The following ENPP5 variants were observed in gnomAD, a reference collection of about 807,000 sequenced individuals.
ENPP5 encodes E-NPP 5.
ENPP5 carries 27 observed loss-of-function variants against 33.7 expected under a neutral mutation model. That is an observed-to-expected ratio of 0.80 (90% CI 0.59 to 1.11). The LOEUF (loss-of-function observed/expected upper bound fraction) is 1.11, where lower values mean the gene tolerates loss of function less well. Ranked by LOEUF, ENPP5 falls within the 50% of genes least tolerant of loss-of-function variation. The probability of loss-of-function intolerance (pLI) is 0.00; values close to 1 mark genes in which losing one functional copy is unlikely to be tolerated. For missense variants in ENPP5, 552 were observed against 579.2 expected (o/e 0.95, Z 0.48); for synonymous variants, 199 against 200.5 (o/e 0.99, Z 0.06).
chr6:46,162,479 G>C (rs950648203), intron 4 of ENPP5, among the ~76,000 whole-genome samples: 4 of 152,148 alleles, frequency 2.6e-5, no homozygotes, highest in African/African-American at 9.7e-5. Context: ...TGTGTGCTTA[G>C]CATGGTATCA....
At chr6:46,168,722 G>T (rs1295457114) in intron 2 of ENPP5, among the ~76,000 whole-genome samples, 2 of 151,960 alleles carry the variant, frequency 1.3e-5, no homozygotes, top group African/African-American at 4.8e-5. Context: ...TAGCAACAAT[G>T]AAGTATCATT....
chr6:46,165,297 C>G, intron 4 of ENPP5, 90 bp downstream of exon 4: 1 of 951,686 alleles, frequency 1.1e-6, no homozygotes, highest in Non-Finnish European at 1.5e-6. Context: ...GTAAAAATAT[C>G]AATCAATAAA....
At position 46,168,063 on chromosome 6, in the gene ENPP5, A is replaced by G; in HGVS notation, c.200T>C (p.Val67Ala). The G allele has an allele frequency of 6.2e-7, 1 of 1,614,082 alleles. No homozygotes were observed. Among genetic ancestry groups the G allele is most frequent in the Non-Finnish European group, 8.5e-7 (1 of 1,179,960 alleles). ...GTTAGGGTAGGTTTTTGTAATAAAAACATTAGTAACTTGCTTCACGTGAAC... is the reference window on the plus strand; with the variant it reads ...GTTAGGGTAGGTTTTTGTAATAAAAGCATTAGTAACTTGCTTCACGTGAAC... ...YGVHVKQVTN[V>A]FITKTYPNHY... Residue 67 changes from valine (V) to alanine (A), a missense_variant, in exon 3 of 5, where the codon GTT becomes GCT. Physicochemically the swap from Val to Ala is moderately conservative, Grantham distance 64. Transcript: ENST00000371383.
rs1171279989 is a variant in ENPP5, at chr6:46,167,846, C to A, written c.417G>T (p.Trp139Cys). The A allele has an allele frequency of 6.2e-7, 1 of 1,614,158 alleles. No homozygotes were observed. Among genetic ancestry groups the A allele is most frequent in the Non-Finnish European group, 8.5e-7 (1 of 1,180,022 alleles). Reference protein sequence around the residue: ...RAGHTSGAAMWPGTDVKIHKR... With the variant: ...RAGHTSGAAMCPGTDVKIHKR... ...TATGTATTTTTACATCTGTTCCGGG[C>A]CACATGGCTGCACCACTAGTATGTC... Residue 139 changes from tryptophan (W) to cysteine (C), a missense_variant, in exon 3 of 5, where the codon TGG becomes TGT. Coordinates refer to ENST00000371383, the MANE Select transcript of ENPP5 (RefSeq NM_001290072.2).
intron 2 of ENPP5, 94 bp downstream of exon 2, chr6:46,169,948 AAAACGATTTCT>A (rs1448526025): frequency 4.2e-4 from 64 of 152,336 alleles, no homozygotes; most frequent in Non-Finnish European, 7.3e-4. Context: ...GTCATATTTA[AAAACGATTTCT>A]TGGATGGCAA....
chr6:46,161,838 A>T, intron 4 of ENPP5, 85 bp from the exon 5 acceptor site: 5 of 931,600 alleles, frequency 5.4e-6, no homozygotes, highest in Non-Finnish European at 8.3e-6. Context: ...CTGAACTTAA[A>T]TGCACATCTT....
In ENPP5 at chr6:46,165,453, G is replaced by T. The variant is rs1172106006; in HGVS notation, c.940C>A (p.Gln314Lys). Residue 314 changes from glutamine to lysine, a missense_variant, in exon 4 of 5, where the codon CAA becomes AAA. Gln to Lys is a moderately conservative substitution (Grantham distance 53, BLOSUM62 1). Transcript: ENST00000371383. ...RWHYKYNSRIQPIIAVADEGW... is the reference protein window; with the variant it reads ...RWHYKYNSRIKPIIAVADEGW... ...TCATCAGCCACTGCTATGATTGGTT[G>T]AATTCGACTGTTGTATTTGTAATGC... 1 of 1,610,300 alleles carries T rather than the reference G, an allele frequency of 6.2e-7. No individual in the cohort carries two copies. Among genetic ancestry groups the T allele is most frequent in the Non-Finnish European group, 8.5e-7 (1 of 1,179,300 alleles).
chr6:46,169,443 T>C (rs1764670608), intron 2 of ENPP5, among the ~76,000 whole-genome samples: 1 of 151,534 alleles, frequency 6.6e-6, no homozygotes, highest in African/African-American at 2.4e-5. Flanking sequence ...CCCAAGCTGG[T>C]GTGCGGTGGC....
intron 4 of ENPP5, among the ~76,000 whole-genome samples, chr6:46,164,289 C>T (rs1037578986): frequency 6.6e-6 from 1 of 152,168 alleles, no homozygotes; most frequent in African/African-American, 2.4e-5. Context: ...GGGCGAAGGA[C>T]ATGAACAGAC....
rs144047978 is a variant in ENPP5 at position 46,168,191 on chromosome 6, T to C, written c.72A>G (p.Gln24=). The stretch of plus-strand genomic sequence containing the variant: ...CTAGTAGAACCTTTTGCTGGTCTGG[T>C]TGGAGAGAAAAGGTGGTTGAAAGAC... ...ALSLSTTFSL[Q]PDQQKVLLVS... is the part of the protein sequence containing the mutation. Residue 24 remains glutamine (Q), a synonymous_variant, in exon 3 of 5, where the codon CAA becomes CAG. Coordinates refer to ENST00000371383, the MANE Select transcript of ENPP5 (RefSeq NM_001290072.2). 1.9e-3 allele frequency: 3,045 copies of C among 1,612,104 alleles called. 70 individuals are homozygous for C. The East Asian group carries it at 0.027, about 14-fold the overall frequency.
intron 4 of ENPP5, among the ~76,000 whole-genome samples, chr6:46,163,143 C>T (rs949163432): frequency 6.6e-6 from 1 of 151,996 alleles, no homozygotes; most frequent in Non-Finnish European, 1.5e-5. Flanking sequence ...GGTTCTCAAA[C>T]TTTTGTGTGT....
rs1467126990 is a variant in ENPP5, at chr6:46,165,399, C to T, written c.994G>A (p.Asp332Asn). 1.3e-6 allele frequency: 2 copies of T among 1,571,866 alleles called. No individual in the cohort carries two copies. The highest frequency in any genetic ancestry group is 4.1e-5 in the Admixed American group (2 of 48,642). ...EGWHILQNKS[D>N]DFLLGNHGYD... ...GTAACATACTCACACAGAAAGTCAT[C>T]TGACTTATTCTGTAAAATGTGCCAC... is the stretch of plus-strand genomic sequence containing the variant. Residue 332 changes from aspartate to asparagine, a missense_variant, in exon 4 of 5, where the codon GAT (aspartate) becomes AAT (asparagine). Coordinates refer to ENST00000371383, the MANE Select transcript of ENPP5 (RefSeq NM_001290072.2).
chr6:46,167,925 T>G lies in ENPP5; in HGVS notation c.338A>C (p.Asp113Ala). The change falls in exon 3 of 5, where the codon GAT (aspartate) becomes GCT (alanine). Residue 113 changes from aspartate (D) to alanine (A), a missense_variant. Physicochemically the swap from Asp to Ala is moderately radical, Grantham distance 126. Coordinates refer to ENST00000371383, the MANE Select transcript of ENPP5 (RefSeq NM_001290072.2). The part of the protein sequence containing the change: ...SFSLDHMNIY[D>A]SKFWEEATPI... ...TGTCGCTTCTTCCCAAAACTTGGAA[T>G]CATAAATATTCATGTGATCCAAGGA... is the stretch of plus-strand genomic sequence containing the variant. The G allele has an allele frequency of 6.2e-7, 1 of 1,614,214 alleles. No individual in the cohort carries two copies. The highest frequency in any genetic ancestry group is 1.3e-5 in the African/African-American group (1 of 75,048).
chr6:46,168,321 T>C, intron 2 of ENPP5, 24 bp from the exon 3 acceptor site: 1 of 1,145,038 alleles, frequency 8.7e-7, no homozygotes, highest in Non-Finnish European at 1.2e-6. Flanking sequence ...ATATAGAAAT[T>C]AAAGGCAATA....
chr6:46,169,329 A>G (rs1764665737), intron 2 of ENPP5, among the ~76,000 whole-genome samples: 1 of 151,880 alleles, frequency 6.6e-6, no homozygotes, highest in African/African-American at 2.4e-5. Context: ...AACTTAGATC[A>G]AACCACACTT....
In ENPP5 at chr6:46,168,203, G is replaced by A. The variant is rs1447491015; in HGVS notation, c.60C>T (p.Thr20=). Residue 20 remains threonine (T), a synonymous_variant, in exon 3 of 5, where the codon ACC becomes ACT. Transcript: ENST00000371383. ...FILAALSLST[T]FSLQPDQQKV... ...TTTGCTGGTCTGGTTGGAGAGAAAA[G>A]GTGGTTGAAAGACTCAGTGCAGCAA... 1 of 1,610,568 alleles carries A rather than the reference G, an allele frequency of 6.2e-7. No homozygotes were observed. The highest frequency in any genetic ancestry group is 8.5e-7 in the Non-Finnish European group (1 of 1,177,678).
At position 46,161,262 on chromosome 6, in the gene ENPP5, C is replaced by A; in HGVS notation, c.*64G>T. On this transcript the variant is annotated 3_prime_UTR_variant, in exon 5 of 5. Transcript: ENST00000371383. ...GGAACTGGTTTCCCAGAATTTGAAA[C>A]CTTTAAACACTGACATAATTATGGA... is the stretch of plus-strand genomic sequence containing the variant. The A allele has an allele frequency of 7.0e-7, 1 of 1,432,266 alleles. No homozygotes were observed. Among genetic ancestry groups the A allele is most frequent in the South Asian group, 1.3e-5 (1 of 75,030 alleles). The allele number at this position is 1,432,266 out of a possible 1,614,324, so 88.7% of individuals were successfully genotyped here. A position where few individuals can be genotyped will look rare whatever the true frequency, so the allele number is the denominator to read the frequency against.
chr6:46,161,802 G>T (rs1314634701), intron 4 of ENPP5, 49 bp from the exon 5 acceptor site: 2 of 1,357,130 alleles, frequency 1.5e-6, no homozygotes, highest in East Asian at 2.3e-5. Context: ...GCATTAAAAT[G>T]GACATAATTG....
In ENPP5 at chr6:46,161,003, C is replaced by A; in HGVS notation, c.*323G>T. 1 of 226,374 alleles carries A rather than the reference C, an allele frequency of 4.4e-6. No individual in the cohort carries two copies. The allele number at this position is 226,374 out of a possible 1,614,324, so 14.0% of individuals were successfully genotyped here. On this transcript the variant is annotated 3_prime_UTR_variant, in exon 5 of 5. Transcript: ENST00000371383. ...CCCATCAGGAGAGAAATTTAAAGTGCAATACATAAGGTACTTTACATAGTG... is the reference window on the plus strand; with the variant it reads ...CCCATCAGGAGAGAAATTTAAAGTGAAATACATAAGGTACTTTACATAGTG...
Sources: gnomAD v4.1 joint callset for allele counts (sites outside exome capture counted in the v4.1 genomes callset) on GRCh38, gnomAD v4.1.1 for gene constraint, MANE v1.5 for transcripts, NCBI Gene and HGNC (gene_info 2026-07-23, HGNC 2026-07-21) for gene names.